MCF2L2: variants seen among roughly 807,000 people sequenced by gnomAD.
MCF2L2 encodes probable guanine nucleotide exchange factor MCF2L2.
MCF2L2 carries 102 observed loss-of-function variants against 150.2 expected under a neutral mutation model. The observed-to-expected ratio is 0.68, with a 90% CI of 0.58 to 0.80. The LOEUF is 0.80. MCF2L2 is among the 30% of genes least tolerant of loss of function. The probability of loss-of-function intolerance (pLI) is 0.00; values close to 1 mark genes in which losing one functional copy is unlikely to be tolerated. For synonymous variants in MCF2L2, 465 were observed against 491.3 expected, an observed-to-expected ratio of 0.95 and a Z score of 0.71; for missense variants, 1,256 against 1,372.8, an observed-to-expected ratio of 0.91 and a Z score of 1.34.
At chr3:183,343,092 T>C (rs1489406710) in intron 3 of MCF2L2, among the ~76,000 whole-genome samples, 2 of 152,192 alleles carry the variant, frequency 1.3e-5, no homozygotes, top group African/African-American at 2.4e-5. Context: ...ATTAGATATA[T>C]ACTTGAAGAA....
In MCF2L2 at chr3:183,332,262, G is replaced by A. The variant is rs150051422; in HGVS notation, c.486+6538C>T. The stretch of plus-strand genomic sequence containing the variant: ...GCTACCAGGGAGTGTGACCTTGTGC[G>A]TCAGGTGAAATGGTTACTTACGGAG... On this transcript the variant is annotated intron_variant, in intron 5 of 29. Transcript: ENST00000328913. Among the ~76,000 whole-genome samples the A allele has an allele frequency of 5.3e-5, 8 of 152,288 alleles. No homozygotes were observed. The East Asian group carries it at 1.4e-3, about 26-fold the overall frequency.
intron 1 of MCF2L2, among the ~76,000 whole-genome samples, chr3:183,416,731 TACA>T (rs1303020634): frequency 1.3e-5 from 2 of 151,908 alleles, no homozygotes; most frequent in African/African-American, 4.8e-5. Context: ...TAAAAAACAA[TACA>T]ACAATAAAAA....
At chr3:183,406,857 G>GA (rs970834456) in intron 1 of MCF2L2, among the ~76,000 whole-genome samples, 6 of 150,672 alleles carry the variant, frequency 4.0e-5, no homozygotes, top group African/African-American at 1.2e-4. Flanking sequence ...TTTTTGCAGA[G>GA]AAAAAAAAAT....
At chr3:183,208,828 T>C (rs1180154679) in intron 22 of MCF2L2, among the ~76,000 whole-genome samples, 1 of 152,224 alleles carries the variant, frequency 6.6e-6, no homozygotes, top group Non-Finnish European at 1.5e-5. Flanking sequence ...ATTTATTGTT[T>C]ATATGTTGGG....
chr3:183,222,048 C>T (rs1487445662), intron 20 of MCF2L2, among the ~76,000 whole-genome samples: 2 of 152,156 alleles, frequency 1.3e-5, no homozygotes, highest in Admixed American at 1.3e-4. Context: ...ATTATTTTTA[C>T]AGATGAGGTC....
chr3:183,297,329 T>C (rs1201140114), intron 11 of MCF2L2, 162 bp from the exon 12 acceptor site: 1 of 631,480 alleles, frequency 1.6e-6, no homozygotes, highest in Non-Finnish European at 2.7e-6. Context: ...CCACTGTAAA[T>C]TACACTATGA....
intron 1 of MCF2L2, among the ~76,000 whole-genome samples, chr3:183,417,097 C>A (rs563801091): frequency 1.9e-5 from 2 of 105,698 alleles, no homozygotes; most frequent in Non-Finnish European, 3.4e-5. Context: ...AGCCTGGCAA[C>A]AGAGTGAGAC....
chr3:183,259,781 C>T (rs1274218741), intron 15 of MCF2L2, among the ~76,000 whole-genome samples: 4 of 152,118 alleles, frequency 2.6e-5, no homozygotes, highest in African/African-American at 7.2e-5. Flanking sequence ...TGAAAGACTA[C>T]ACCCAAAGGA....
At chr3:183,407,092 GCA>G (rs770039319) in intron 1 of MCF2L2, among the ~76,000 whole-genome samples, 20 of 152,154 alleles carry the variant, frequency 1.3e-4, no homozygotes, top group Admixed American at 2.6e-4. Flanking sequence ...AATTGTTCCA[GCA>G]CCATTTGTTG....
chr3:183,270,224 A>G lies in MCF2L2; in HGVS notation c.1862+6648T>C, dbSNP rs1726624467. 6.2e-7 allele frequency: 1 copy of G among 1,614,198 alleles called. No individual in the cohort carries two copies. Among genetic ancestry groups the G allele is most frequent in the Non-Finnish European group, 8.5e-7 (1 of 1,180,016 alleles). On this transcript the variant is annotated intron_variant, in intron 15 of 29. Transcript: ENST00000328913. The surrounding 1 kb of genome is among the most constrained non-coding windows in gnomAD (Gnocchi z 4.5). ...CTAATCCACTGGAGGGAGAAGAACT[A>G]CAAAGAAAACTGGCTTGGGAAGATC... is the stretch of plus-strand genomic sequence containing the variant.
intron 26 of MCF2L2, among the ~76,000 whole-genome samples, chr3:183,194,707 G>A (rs1722024185): frequency 6.6e-6 from 1 of 152,100 alleles, no homozygotes; most frequent in Non-Finnish European, 1.5e-5. Context: ...GTTGGGAACT[G>A]ATTTAATATC....
chr3:183,218,059 G>GC (rs996445117), intron 21 of MCF2L2, among the ~76,000 whole-genome samples: 6 of 152,190 alleles, frequency 3.9e-5, no homozygotes, highest in Admixed American at 3.3e-4. Context: ...AGAACAGCTA[G>GC]CCCCTTTGCT....
chr3:183,259,049 G>T (rs6782290), intron 15 of MCF2L2, among the ~76,000 whole-genome samples: 3 of 152,090 alleles, frequency 2.0e-5, no homozygotes, highest in African/African-American at 7.2e-5. Flanking sequence ...AAATGTTTTT[G>T]ATCTGTAGTT....
chr3:183,197,956 A>AT lies in MCF2L2; in HGVS notation c.2885-2702_2885-2701insA, dbSNP rs1163567115. 6.6e-6 allele frequency among the ~76,000 whole-genome samples: 1 copy of AT among 152,228 alleles called. No homozygotes were observed. The highest frequency in any genetic ancestry group is 1.5e-5 in the Non-Finnish European group (1 of 68,034). ...CCAAGTATTGGTGAGGACATGGCAC[A>AT]AGTGGAACTCTCATACATTACTATG... On this transcript the variant is annotated intron_variant, in intron 25 of 29. Transcript: ENST00000328913. The surrounding 1 kb of genome is among the most constrained non-coding windows in gnomAD (Gnocchi z 4.5).
intron 8 of MCF2L2, among the ~76,000 whole-genome samples, 173 bp from the exon 9 acceptor site, chr3:183,311,202 C>T (rs1729362182): frequency 6.6e-6 from 1 of 152,174 alleles, no homozygotes; most frequent in Non-Finnish European, 1.5e-5. Flanking sequence ...GCAGGCTTTG[C>T]ACCTTTCATT....
chr3:183,321,306 C>T (rs1168086125), intron 6 of MCF2L2, among the ~76,000 whole-genome samples: 2 of 151,950 alleles, frequency 1.3e-5, no homozygotes, highest in East Asian at 1.9e-4. Flanking sequence ...GGCGTGGTGG[C>T]GCGTGCCTGT....
chr3:183,332,689 G>A (rs529513668), intron 5 of MCF2L2, among the ~76,000 whole-genome samples: 13 of 152,314 alleles, frequency 8.5e-5, no homozygotes, highest in African/African-American at 2.4e-4. Flanking sequence ...GGGGAGTCAC[G>A]AAGGGACTCG....
At chr3:183,313,267 G>T (rs1729461031) in intron 7 of MCF2L2, among the ~76,000 whole-genome samples, 1 of 149,742 alleles carries the variant, frequency 6.7e-6, no homozygotes, top group African/African-American at 2.5e-5. Context: ...ATATCCATAT[G>T]TGAGGAAGAG....
intron 15 of MCF2L2, among the ~76,000 whole-genome samples, chr3:183,268,200 A>G (rs549940322): frequency 6.6e-6 from 1 of 152,244 alleles, no homozygotes; most frequent in Non-Finnish European, 1.5e-5. Flanking sequence ...CTTTCAGCCA[A>G]TAATTTGGTA....
Sources: allele counts gnomAD v4.1 joint callset (sites outside exome capture counted in the v4.1 genomes callset), GRCh38; gene constraint gnomAD v4.1.1; non-coding constraint Gnocchi (gnomAD v3.1); transcripts MANE v1.5; gene names NCBI Gene and HGNC (gene_info 2026-07-23, HGNC 2026-07-21).